Variants in PTPRO observed in about 807,000 individuals in gnomAD.
The protein encoded by PTPRO is protein tyrosine phosphatase receptor type O.
In PTPRO, 62 loss-of-function variants were observed where a neutral mutation model predicts 145.2. That is an observed-to-expected ratio of 0.43 (90% CI 0.35 to 0.53). The LOEUF is 0.53. Among genes scored for constraint, PTPRO ranks in the 20% least tolerant of loss-of-function variants. The pLI is 0.01. For synonymous variants in PTPRO, 565 were observed against 514.7 expected, an observed-to-expected ratio of 1.10 and a Z score of -1.32; for missense variants, 1,345 against 1,482.7, an observed-to-expected ratio of 0.91 and a Z score of 1.53.
intron 18 of PTPRO, among the ~76,000 whole-genome samples, chr12:15,567,115 T>C (rs960374814): frequency 1.3e-5 from 2 of 152,070 alleles, no homozygotes; most frequent in African/African-American, 2.4e-5. Context: ...AGACAAAAGA[T>C]AGGGTAGAGA....
intron 1 of PTPRO, among the ~76,000 whole-genome samples, chr12:15,330,402 T>A (rs1401738542): frequency 6.6e-6 from 1 of 152,138 alleles, no homozygotes; most frequent in Non-Finnish European, 1.5e-5. Context: ...GGTCTCAAGA[T>A]AACATGTGTG....
chr12:15,492,958 G>T (rs1942029308), intron 2 of PTPRO, among the ~76,000 whole-genome samples: 1 of 152,146 alleles, frequency 6.6e-6, no homozygotes, highest in South Asian at 2.1e-4. Context: ...CAGACTGACA[G>T]AGCATTCCAA....
At chr12:15,461,095 GA>G (rs1438484217) in intron 1 of PTPRO, among the ~76,000 whole-genome samples, 2 of 152,122 alleles carry the variant, frequency 1.3e-5, no homozygotes, top group Non-Finnish European at 1.5e-5. Flanking sequence ...AGCCTGATAA[GA>G]AACATTTTAC....
chr12:15,526,996 T>C (rs1487908005), intron 12 of PTPRO, among the ~76,000 whole-genome samples: 2 of 152,232 alleles, frequency 1.3e-5, no homozygotes, highest in East Asian at 3.9e-4. Flanking sequence ...AGATGAGATA[T>C]ATTTTCATAT....
rs142428568 is a variant in PTPRO at position 15,446,584 on chromosome 12, G to A, written c.76-37390G>A. Reference sequence around the variant, plus strand: ...GGAGGAAGGCAAATATATGATGCCCGATGGATTCTTTGGAATAAAATTCCA... The same window carrying A: ...GGAGGAAGGCAAATATATGATGCCCAATGGATTCTTTGGAATAAAATTCCA... On this transcript the variant is annotated intron_variant, in intron 1 of 26. Coordinates refer to ENST00000281171, the MANE Select transcript of PTPRO (RefSeq NM_030667.3). Among the ~76,000 whole-genome samples, 5 of 151,930 alleles carry A rather than the reference G, an allele frequency of 3.3e-5. No homozygotes were observed. The East Asian group carries it at 7.7e-4, about 23-fold the overall frequency.
intron 1 of PTPRO, among the ~76,000 whole-genome samples, chr12:15,423,904 C>T (rs1170365297): frequency 1.3e-5 from 2 of 152,180 alleles, no homozygotes; most frequent in Non-Finnish European, 2.9e-5. Context: ...TAGCTCCATC[C>T]TGTCCTTTAA....
At chr12:15,350,459 A>T (rs956323486) in intron 1 of PTPRO, among the ~76,000 whole-genome samples, 6 of 152,174 alleles carry the variant, frequency 3.9e-5, no homozygotes, top group African/African-American at 1.4e-4. Context: ...CCCCCCAATT[A>T]GCTGCATATC....
chr12:15,527,253 C>T (rs1017425837), intron 12 of PTPRO, among the ~76,000 whole-genome samples: 21 of 152,168 alleles, frequency 1.4e-4, no homozygotes, highest in African/African-American at 5.1e-4. Flanking sequence ...CTTCCACATT[C>T]GTGACGCCTC....
At chr12:15,579,728 C>T (rs913587696) in intron 20 of PTPRO, among the ~76,000 whole-genome samples, 1 of 152,106 alleles carries the variant, frequency 6.6e-6, no homozygotes, top group African/African-American at 2.4e-5. Flanking sequence ...AGGCTATATA[C>T]TATAGCTGTC....
chr12:15,448,338 G>GAAAAAAAAAAAAAAAAAAAAAA (rs1565635275), intron 1 of PTPRO, among the ~76,000 whole-genome samples: 1 of 3,866 alleles, frequency 2.6e-4, no homozygotes, highest in Non-Finnish European at 3.6e-3. Flanking sequence ...CCTGTTCCTA[G>GAAAAAAAAAAAAAAAAAAAAAA]TAAAAAAAAA....
rs375173835 is a variant in PTPRO, at chr12:15,557,605, G to A, written c.2627+82G>A. The A allele has an allele frequency of 6.4e-4, 820 of 1,276,638 alleles. 4 individuals carry two copies. The African/African-American group carries it at 0.011, about 17-fold the overall frequency. 79.1% of individuals were successfully genotyped at this position (1,276,638 alleles called of 1,614,324 possible). A position where few individuals can be genotyped will look rare whatever the true frequency, so the allele number is the denominator to read the frequency against. ...AAAGTCGATTTTACTATCCTTTGGG[G>A]ATAGTTTTGTCTGATTATCCTTTTG... On this transcript the variant is annotated intron_variant, in intron 16 of 26. Coordinates refer to ENST00000281171, the MANE Select transcript of PTPRO (RefSeq NM_030667.3).
chr12:15,526,896 CAA>C (rs1045548279), intron 12 of PTPRO, among the ~76,000 whole-genome samples: 10 of 151,714 alleles, frequency 6.6e-5, no homozygotes, highest in African/African-American at 2.4e-4. Flanking sequence ...AAGAAATGAA[CAA>C]GTTAATATAA....
At position 15,484,466 on chromosome 12, in the gene PTPRO, T is replaced by G. The variant is rs11056519; in HGVS notation, c.349+219T>G. ...AAAAATATTTTTAAACCCAAAAAAG[T>G]AAACCTCAATGATGTAGTATATTTT... On this transcript the variant is annotated intron_variant, in intron 2 of 26. Transcript: ENST00000281171. Among the ~76,000 whole-genome samples the G allele has an allele frequency of 0.18, 26,755 of 152,060 alleles. 2,677 individuals are homozygous for G. The highest frequency in any genetic ancestry group is 0.32 in the East Asian group (1,664 of 5,174).
intron 24 of PTPRO, among the ~76,000 whole-genome samples, chr12:15,587,939 T>A (rs996033597): frequency 1.3e-5 from 2 of 152,202 alleles, no homozygotes; most frequent in South Asian, 4.1e-4. Context: ...AGTATATGTG[T>A]GCATTCATGT....
At chr12:15,360,881 CATACACATG>C (rs1196572684) in intron 1 of PTPRO, among the ~76,000 whole-genome samples, 4 of 89,936 alleles carry the variant, frequency 4.4e-5, no homozygotes, top group Admixed American at 4.3e-4. Context: ...TATATACACA[CATACACATG>C]TGTATATACA....
At chr12:15,519,433 T>C (rs1440969794) in intron 9 of PTPRO, among the ~76,000 whole-genome samples, 1 of 152,184 alleles carries the variant, frequency 6.6e-6, no homozygotes. Context: ...TTCTCTTTTG[T>C]TTTGAGAGGG....
Position 15,352,557 on chromosome 12 carries a change from A to G in PTPRO, c.75+29756A>G, listed in dbSNP as rs892070774. Reference sequence around the variant, plus strand: ...TCCCAGCTACTCAGGAGGCTGAGGCAGGAGAATGGTGTGAACTCGGGAGGC... The same window carrying G: ...TCCCAGCTACTCAGGAGGCTGAGGCGGGAGAATGGTGTGAACTCGGGAGGC... On this transcript the variant is annotated intron_variant, in intron 1 of 26. Coordinates refer to ENST00000281171, the MANE Select transcript of PTPRO (RefSeq NM_030667.3). 7.9e-5 allele frequency among the ~76,000 whole-genome samples: 12 copies of G among 151,210 alleles called. No individual in the cohort carries two copies. In the East Asian group the frequency reaches 1.8e-3, roughly 22 times the overall value.
At chr12:15,414,909 C>A (rs746261521) in intron 1 of PTPRO, among the ~76,000 whole-genome samples, 1 of 152,116 alleles carries the variant, frequency 6.6e-6, no homozygotes, top group Non-Finnish European at 1.5e-5. Flanking sequence ...TACTAAATTG[C>A]TCTAAATCCA....
chr12:15,334,056 T>A (rs145886037), intron 1 of PTPRO, among the ~76,000 whole-genome samples: 92 of 152,340 alleles, frequency 6.0e-4, no homozygotes, highest in African/African-American at 2.0e-3. Flanking sequence ...TAAATCTTTT[T>A]TTCTCTCACC....
Sources: allele counts gnomAD v4.1 joint callset (sites outside exome capture counted in the v4.1 genomes callset), GRCh38; gene constraint gnomAD v4.1.1; transcripts MANE v1.5; gene names NCBI Gene and HGNC (gene_info 2026-07-23, HGNC 2026-07-21).